HEPHL1: variants seen among roughly 807,000 people sequenced by gnomAD.
HEPHL1 encodes ferroxidase HEPHL1.
In HEPHL1, 123 loss-of-function variants were observed where a neutral mutation model predicts 122.0. The observed-to-expected ratio is 1.01, with a 90% CI of 0.87 to 1.17. The LOEUF is 1.17. Among genes scored for constraint, HEPHL1 ranks in the 50% most tolerant of loss-of-function variants. The pLI is 0.00. For missense variants in HEPHL1, 1,452 were observed against 1,430.5 expected (o/e 1.01, Z -0.24); for synonymous variants, 527 against 508.9 (o/e 1.04, Z -0.48).
chr11:94,074,255 C>A (rs1364928574), intron 8 of HEPHL1, among the ~76,000 whole-genome samples: 1 of 152,082 alleles, frequency 6.6e-6, no homozygotes, highest in African/African-American at 2.4e-5. Context: ...ATTCCTAAAA[C>A]CATCCTCTCC....
intron 17 of HEPHL1, among the ~76,000 whole-genome samples, chr11:94,108,833 G>A (rs1591491547): frequency 6.6e-6 from 1 of 152,180 alleles, no homozygotes; most frequent in African/African-American, 2.4e-5. Flanking sequence ...GATGGTGATT[G>A]TTTTAGCTAT....
intron 1 of HEPHL1, among the ~76,000 whole-genome samples, chr11:94,043,563 G>T (rs1202313830): frequency 1.3e-5 from 2 of 152,116 alleles, no homozygotes; most frequent in African/African-American, 2.4e-5. Context: ...GGGGCTGGGG[G>T]ATGGAACCCC....
At chr11:94,106,561 CTGAG>C (rs2134454498) in intron 17 of HEPHL1, among the ~76,000 whole-genome samples, 1 of 152,204 alleles carries the variant, frequency 6.6e-6, no homozygotes, top group Admixed American at 6.5e-5. Context: ...TCCCACAGTG[CTGAG>C]ATTACAGGCG....
At chr11:94,072,010 G>T (rs949604456) in intron 6 of HEPHL1, among the ~76,000 whole-genome samples, 1 of 152,062 alleles carries the variant, frequency 6.6e-6, no homozygotes, top group African/African-American at 2.4e-5. Flanking sequence ...TAATCTTTTT[G>T]AACATTATTT....
Position 94,111,585 on chromosome 11 carries a change from C to T in HEPHL1, c.3257C>T (p.Pro1086Leu), listed in dbSNP as rs961083893. 2.5e-6 allele frequency: 4 copies of T among 1,606,012 alleles called. No homozygotes were observed. The African/African-American group carries it at 4.0e-5, about 16-fold the overall frequency. Residue 1086 changes from proline to leucine, a missense_variant, in exon 19 of 20, where the codon CCA (proline) becomes CTA (leucine). Physicochemically the swap from Pro to Leu is moderately conservative, Grantham distance 98. Coordinates refer to ENST00000315765, the MANE Select transcript of HEPHL1 (RefSeq NM_001098672.2). ...STTSPGVASHPATVPSNERPG... is the reference protein window; with the variant it reads ...STTSPGVASHLATVPSNERPG... The stretch of plus-strand genomic sequence containing the variant: ...ACATCTCCTGGAGTGGCATCTCACC[C>T]AGCCACGGTGCCATCTAACGGTAAT...
intron 1 of HEPHL1, among the ~76,000 whole-genome samples, chr11:94,023,583 T>A (rs1161383205): frequency 6.6e-6 from 1 of 152,198 alleles, no homozygotes; most frequent in African/African-American, 2.4e-5. Flanking sequence ...ATAGGCATGA[T>A]GAAAACAGTT....
At chr11:94,039,478 TCTC>T (rs1199207499) in intron 1 of HEPHL1, among the ~76,000 whole-genome samples, 1 of 149,080 alleles carries the variant, frequency 6.7e-6, no homozygotes, top group Non-Finnish European at 1.5e-5. Flanking sequence ...GAAGTAAAGC[TCTC>T]CTCAGCAAAT....
At chr11:94,055,939 A>C (rs1591471326) in intron 2 of HEPHL1, 1 of 1,320,660 alleles carries the variant, frequency 7.6e-7, no homozygotes, top group Non-Finnish European at 1.0e-6. Flanking sequence ...GCCAGGCCAA[A>C]CTTGCCAGTG....
intron 9 of HEPHL1, among the ~76,000 whole-genome samples, chr11:94,082,011 T>C (rs756955712): frequency 4.6e-5 from 7 of 152,080 alleles, no homozygotes; most frequent in Non-Finnish European, 1.0e-4. Context: ...ATGAGGTTGG[T>C]GTGTTCGTGG....
chr11:94,033,084 C>G (rs758229329), intron 1 of HEPHL1, among the ~76,000 whole-genome samples: 1 of 152,190 alleles, frequency 6.6e-6, no homozygotes, highest in Non-Finnish European at 1.5e-5. Context: ...GTCAAAAGGT[C>G]AAACTGCGCA....
Position 94,112,893 on chromosome 11 carries a change from C to CTT in HEPHL1, c.*999_*1000insTT, listed in dbSNP as rs2134458074. 6.6e-6 allele frequency: 1 copy of CTT among 152,154 alleles called. No homozygotes were observed. Among genetic ancestry groups the CTT allele is most frequent in the African/African-American group, 2.4e-5 (1 of 41,502 alleles). 9.4% of individuals were successfully genotyped at this position (152,154 alleles called of 1,614,324 possible). ...TATAACATTCTCATTGTATGAGAAA[C>CTT]ATCAGGAGGAATTTATCAATGTAGG... On this transcript the variant is annotated 3_prime_UTR_variant, in exon 20 of 20. Transcript: ENST00000315765.
intron 1 of HEPHL1, among the ~76,000 whole-genome samples, chr11:94,029,212 C>T (rs1279474999): frequency 6.6e-6 from 1 of 152,156 alleles, no homozygotes; most frequent in Non-Finnish European, 1.5e-5. Context: ...CAACCCTGTC[C>T]TACTCTTGAT....
chr11:94,064,142 C>A (rs1408541686), intron 3 of HEPHL1, among the ~76,000 whole-genome samples, 189 bp from the exon 4 acceptor site: 2 of 152,152 alleles, frequency 1.3e-5, no homozygotes, highest in Non-Finnish European at 2.9e-5. Context: ...ATGAAGATTT[C>A]TGTTTTATGA....
chr11:94,093,971 G>GATAGATAGATAGATATATAT (rs71036310), intron 13 of HEPHL1, among the ~76,000 whole-genome samples: 6 of 72,774 alleles, frequency 8.2e-5, no homozygotes, highest in East Asian at 4.7e-4. Context: ...TCCTCCAGCA[G>GATAGATAGATAGATATATAT]ATATATATAT....
chr11:94,052,550 A>G (rs886237316), intron 2 of HEPHL1, among the ~76,000 whole-genome samples: 7 of 152,134 alleles, frequency 4.6e-5, no homozygotes, highest in African/African-American at 1.7e-4. Context: ...AGATTATATC[A>G]TCTGCAAATA....
At chr11:94,026,307 C>T (rs1469000192) in intron 1 of HEPHL1, among the ~76,000 whole-genome samples, 1 of 152,196 alleles carries the variant, frequency 6.6e-6, no homozygotes, top group Non-Finnish European at 1.5e-5. Context: ...ACTTAAATCT[C>T]ATTGGATACT....
chr11:94,085,838 A>C lies in HEPHL1; in HGVS notation c.1868-139A>C, dbSNP rs906834575. 4.7e-5 allele frequency: 29 copies of C among 615,592 alleles called. No individual in the cohort carries two copies. The South Asian group carries it at 5.7e-4, about 12-fold the overall frequency. The allele number at this position is 615,592 out of a possible 1,614,324, so 38.1% of individuals were successfully genotyped here. ...ATTGTTAATTTTGGTCTCCATTTTA[A>C]GTGGATTCACCATGTGGCTTTTCCC... On this transcript the variant is annotated intron_variant, in intron 10 of 19. Coordinates refer to ENST00000315765, the MANE Select transcript of HEPHL1 (RefSeq NM_001098672.2).
intron 2 of HEPHL1, among the ~76,000 whole-genome samples, chr11:94,057,625 A>T (rs373960493): frequency 1.3e-5 from 2 of 152,010 alleles, no homozygotes; most frequent in African/African-American, 4.8e-5. Flanking sequence ...TAATATTTCT[A>T]TTTGCTTATT....
intron 2 of HEPHL1, 85 bp downstream of exon 2, chr11:94,046,002 C>T (rs1945832885): frequency 1.9e-6 from 2 of 1,059,862 alleles, no homozygotes; most frequent in East Asian, 6.4e-5. Context: ...TTTAGGAGCA[C>T]ATTGATTACA....
Sources: allele counts gnomAD v4.1 joint callset (sites outside exome capture counted in the v4.1 genomes callset), GRCh38; gene constraint gnomAD v4.1.1; transcripts MANE v1.5; gene names NCBI Gene and HGNC (gene_info 2026-07-23, HGNC 2026-07-21).